The following ZMYM4 variants were observed in gnomAD, a reference collection of about 807,000 sequenced individuals.
The protein encoded by ZMYM4 is zinc finger MYM-type containing 4.
Under a neutral mutation model 183.2 loss-of-function variants are expected in ZMYM4, and 31 were observed. That is an observed-to-expected ratio of 0.17 (90% CI 0.13 to 0.23). The LOEUF is 0.23. Ranked by LOEUF, ZMYM4 falls within the 10% of genes least tolerant of loss-of-function variation. The pLI is 1.00. For synonymous variants in ZMYM4, 592 were observed against 631.2 expected, an observed-to-expected ratio of 0.94 and a Z score of 0.93; for missense variants, 1,273 against 1,840.3, an observed-to-expected ratio of 0.69 and a Z score of 5.64.
chr1:35,381,861 C>T (rs896083048), intron 9 of ZMYM4, 103 bp downstream of exon 9: 10 of 1,384,626 alleles, frequency 7.2e-6, no homozygotes, highest in African/African-American at 1.4e-5. Context: ...ATTGGGTTTA[C>T]TGGCCAAGTG....
intron 2 of ZMYM4, among the ~76,000 whole-genome samples, chr1:35,357,114 T>G (rs935331076): frequency 6.6e-6 from 1 of 152,224 alleles, no homozygotes; most frequent in African/African-American, 2.4e-5. Flanking sequence ...GGTCTTGAAC[T>G]CCTGGCCTCA....
intron 3 of ZMYM4, among the ~76,000 whole-genome samples, chr1:35,359,906 TA>T (rs77332586): frequency 0.088 from 13,362 of 151,632 alleles, 2,010 homozygotes; most frequent in East Asian, 0.68. Flanking sequence ...TTTTTTTTAA[TA>T]AAAAAAACCC....
At chr1:35,297,626 C>G (rs1214953760) in intron 1 of ZMYM4, among the ~76,000 whole-genome samples, 32 of 152,192 alleles carry the variant, frequency 2.1e-4, no homozygotes, top group Non-Finnish European at 2.9e-5. Flanking sequence ...TCTCACATAA[C>G]AGACTTTGTA....
intron 1 of ZMYM4, among the ~76,000 whole-genome samples, chr1:35,282,505 C>T (rs1018648977): frequency 6.6e-6 from 1 of 152,128 alleles, no homozygotes; most frequent in African/African-American, 2.4e-5. Flanking sequence ...CAGGTATGTA[C>T]CTAGAAATGG....
chr1:35,291,040 G>T (rs746026221), intron 1 of ZMYM4, among the ~76,000 whole-genome samples: 10 of 152,108 alleles, frequency 6.6e-5, no homozygotes, highest in Non-Finnish European at 1.5e-4. Flanking sequence ...TGTAAGGTTT[G>T]ACATATGCAT....
chr1:35,355,197 CTTCTTTTTTTTTTT>C (rs1413194650), intron 2 of ZMYM4, among the ~76,000 whole-genome samples: 7 of 120,738 alleles, frequency 5.8e-5, no homozygotes, highest in Non-Finnish European at 1.2e-4. Flanking sequence ...CCACGCCTGG[CTTCTTTTTTTTTTT>C]TTTTTTTTTT....
At chr1:35,355,255 G>C (rs1448894036) in intron 2 of ZMYM4, among the ~76,000 whole-genome samples, 1 of 136,128 alleles carries the variant, frequency 7.3e-6, no homozygotes, top group East Asian at 2.2e-4. Flanking sequence ...CACTGTGTTA[G>C]CCAGGATGGT....
chr1:35,384,841 CTT>C (rs748891728), intron 9 of ZMYM4, among the ~76,000 whole-genome samples: 4 of 127,396 alleles, frequency 3.1e-5, no homozygotes, highest in Admixed American at 1.6e-4. Flanking sequence ...TTTTCTTTTT[CTT>C]TTTTTTTTTT....
chr1:35,351,649 A>G lies in ZMYM4; in HGVS notation c.86-7276A>G, dbSNP rs977042399. 8 of 579,122 alleles carry G rather than the reference A, an allele frequency of 1.4e-5. No individual in the cohort carries two copies. In the Admixed American group the frequency reaches 2.1e-4, roughly 15 times the overall value. The allele number at this position is 579,122 out of a possible 1,614,324, so 35.9% of individuals were successfully genotyped here. On this transcript the variant is annotated intron_variant, in intron 2 of 29. Transcript: ENST00000314607. ...TGAGGATTTTTCAGATAAAGACAATAAACTGATGGATAGCAACAACAACAA... is the reference window on the plus strand; with the variant it reads ...TGAGGATTTTTCAGATAAAGACAATGAACTGATGGATAGCAACAACAACAA...
chr1:35,356,435 A>G (rs892367724), intron 2 of ZMYM4, among the ~76,000 whole-genome samples: 5 of 152,194 alleles, frequency 3.3e-5, no homozygotes, highest in African/African-American at 9.6e-5. Context: ...TTCAGCATAC[A>G]TCTCCTAAGA....
chr1:35,272,405 GCT>G (rs1427475904), intron 1 of ZMYM4, among the ~76,000 whole-genome samples: 1 of 152,142 alleles, frequency 6.6e-6, no homozygotes, highest in Non-Finnish European at 1.5e-5. Flanking sequence ...ATATATGCTG[GCT>G]CTCTTGATAA....
At chr1:35,367,220 A>T (rs966819524) in intron 5 of ZMYM4, among the ~76,000 whole-genome samples, 3 of 145,608 alleles carry the variant, frequency 2.1e-5, no homozygotes, top group Admixed American at 1.4e-4. Flanking sequence ...CAATTAATTA[A>T]TTTTTTTTTT....
intron 26 of ZMYM4, among the ~76,000 whole-genome samples, chr1:35,408,843 A>C (rs1182930076): frequency 6.6e-6 from 1 of 152,244 alleles, no homozygotes; most frequent in Non-Finnish European, 1.5e-5. Context: ...AGGACTAATA[A>C]GTACATTCTT....
intron 1 of ZMYM4, among the ~76,000 whole-genome samples, chr1:35,274,864 A>G (rs905268232): frequency 5.3e-5 from 8 of 152,226 alleles, no homozygotes; most frequent in Admixed American, 2.0e-4. Flanking sequence ...TGCTGGAGAT[A>G]TGATGGCTAA....
At chr1:35,314,543 C>T (rs1641953595) in intron 1 of ZMYM4, among the ~76,000 whole-genome samples, 1 of 151,726 alleles carries the variant, frequency 6.6e-6, no homozygotes, top group South Asian at 2.1e-4. Context: ...CCTCAGCCTC[C>T]CAAAGTGCTG....
intron 28 of ZMYM4, among the ~76,000 whole-genome samples, chr1:35,416,185 A>G (rs1386892394): frequency 6.6e-6 from 1 of 152,206 alleles, no homozygotes; most frequent in Non-Finnish European, 1.5e-5. Flanking sequence ...TTTTGTACAC[A>G]ATAGAATAAT....
Position 35,361,804 on chromosome 1 carries a change from T to A in ZMYM4, c.840+15T>A. 1.3e-6 allele frequency: 2 copies of A among 1,582,840 alleles called. No individual in the cohort carries two copies. The highest frequency in any genetic ancestry group is 1.7e-6 in the Non-Finnish European group (2 of 1,166,844). ...ACAATGCTCAAGTAAACATTTCACC[T>A]TTTTTCCCCCCTTCTTTTTGTTCCA... On this transcript the variant is annotated intron_variant, in intron 5 of 29. Transcript: ENST00000314607.
At chr1:35,359,954 G>A (rs1041605748) in intron 3 of ZMYM4, among the ~76,000 whole-genome samples, 1 of 151,244 alleles carries the variant, frequency 6.6e-6, no homozygotes, top group Non-Finnish European at 1.5e-5. Flanking sequence ...GTTTCTTGAG[G>A]TTCCTCCTGA....
intron 1 of ZMYM4, among the ~76,000 whole-genome samples, chr1:35,318,646 CAG>C (rs1367973984): frequency 6.6e-6 from 1 of 151,834 alleles, no homozygotes; most frequent in Non-Finnish European, 1.5e-5. Context: ...TTAGTAGAGA[CAG>C]GGTTTTACCA....
Sources: gnomAD v4.1 joint callset for allele counts (sites outside exome capture counted in the v4.1 genomes callset) on GRCh38, gnomAD v4.1.1 for gene constraint, MANE v1.5 for transcripts, NCBI Gene and HGNC (gene_info 2026-07-23, HGNC 2026-07-21) for gene names.